FNBP1: variants seen among roughly 807,000 people sequenced by gnomAD.
The protein encoded by FNBP1 is formin binding protein 1, also known as formin-binding protein 1.
FNBP1 carries 26 observed loss-of-function variants against 90.6 expected under a neutral mutation model. The ratio of observed to expected loss-of-function variants is 0.29; its 90% confidence interval spans 0.21 to 0.40. The LOEUF (loss-of-function observed/expected upper bound fraction) is 0.40. FNBP1 is among the 10% of genes least tolerant of loss of function. The pLI, the probability that FNBP1 is intolerant of heterozygous loss-of-function variation, is 1.00. For synonymous variants in FNBP1, 260 were observed against 265.2 expected (o/e 0.98, Z 0.19); for missense variants, 635 against 768.0 (o/e 0.83, Z 2.05).
At chr9:130,046,625 C>T (rs1230209400), upstream of FNBP1, among the ~76,000 whole-genome samples, 1 of 148,544 alleles carries the variant, frequency 6.7e-6, no homozygotes, top group African/African-American at 2.5e-5. Context: ...AAAATTAGCC[C>T]AGTGTGGTCA....
intron 2 of FNBP1, 145 bp downstream of exon 2, chr9:129,994,698 A>G (rs1380662261): frequency 2.5e-6 from 1 of 405,858 alleles, no homozygotes; most frequent in African/African-American, 2.1e-5. Flanking sequence ...AATTTTCTGT[A>G]TGAAAAACAA....
intron 16 of FNBP1, 87 bp downstream of exon 16, chr9:129,895,751 G>A (rs1002558217): frequency 1.4e-6 from 2 of 1,439,098 alleles, no homozygotes; most frequent in Non-Finnish European, 9.1e-7. Context: ...TTGAGGAACT[G>A]CCTGTAACAG....
At chr9:129,998,600 C>T (rs560263583) in intron 1 of FNBP1, among the ~76,000 whole-genome samples, 1 of 152,110 alleles carries the variant, frequency 6.6e-6, no homozygotes, top group African/African-American at 2.4e-5. Flanking sequence ...TCATAGGTGC[C>T]ACCTTGAAAA....
In FNBP1 at chr9:129,900,745, T is replaced by TGTTC. The variant is rs1411446787; in HGVS notation, c.1429-202_1429-199dup. Among the ~76,000 whole-genome samples the TGTTC allele has an allele frequency of 2.0e-5, 3 of 152,268 alleles. No homozygotes were observed. The highest frequency in any genetic ancestry group is 4.4e-5 in the Non-Finnish European group (3 of 68,038). On this transcript the variant is annotated intron_variant, in intron 13 of 16. Transcript: ENST00000446176. The surrounding 1 kb of genome is among the most constrained non-coding windows in gnomAD (Gnocchi z 4.1). ...AATGGCCACGTTTTCTGCCTTCGACTGTTCAAATGTACTGAAGGACGGTTG... is the reference window on the plus strand; with the variant it reads ...AATGGCCACGTTTTCTGCCTTCGACTGTTCGTTCAAATGTACTGAAGGACGGTTG...
At chr9:129,895,613 A>G in intron 16 of FNBP1, 2 of 1,239,304 alleles carry the variant, frequency 1.6e-6, no homozygotes, top group Non-Finnish European at 2.0e-6. Context: ...AGCTTTCCAC[A>G]TAAAATTTCA....
chr9:129,890,422 A>G lies in FNBP1; in HGVS notation c.*117T>C. On this transcript the variant is annotated 3_prime_UTR_variant, in exon 17 of 17. Transcript: ENST00000446176. This position sits in a 1 kb window ranked among gnomAD's most constrained non-coding sequence, Gnocchi z 5.8. ...TGGAGAGAGAGAGAGACCGCCCCGC[A>G]GGGATGGGGCTGCGGAGGGGTGGGC... 1 of 822,084 alleles carries G rather than the reference A, an allele frequency of 1.2e-6. No individual in the cohort carries two copies. Among genetic ancestry groups the G allele is most frequent in the Non-Finnish European group, 2.0e-6 (1 of 491,542 alleles). 50.9% of individuals were successfully genotyped at this position (822,084 alleles called of 1,614,324 possible). A position where few individuals can be genotyped will look rare whatever the true frequency, so the allele number is the denominator to read the frequency against.
intron 1 of FNBP1, among the ~76,000 whole-genome samples, chr9:130,000,882 A>G (rs1178212385): frequency 6.6e-6 from 1 of 152,166 alleles, no homozygotes; most frequent in Non-Finnish European, 1.5e-5. Context: ...TCAACTTACA[A>G]CTCAGGATCA....
At chr9:130,045,111 C>T (rs988895024), upstream of FNBP1, 1 of 152,054 alleles carries the variant, frequency 6.6e-6, no homozygotes, top group Non-Finnish European at 1.5e-5. Context: ...CAGTTACAAC[C>T]CTCCCTTCCT....
intron 4 of FNBP1, 72 bp downstream of exon 4, chr9:129,978,393 T>G: frequency 1.6e-6 from 2 of 1,267,440 alleles, no homozygotes; most frequent in Non-Finnish European, 2.2e-6. Context: ...TTATTTAATT[T>G]TAATCTTCTA....
intron 6 of FNBP1, among the ~76,000 whole-genome samples, chr9:129,948,191 T>G (rs1564405109): frequency 6.6e-6 from 1 of 151,846 alleles, no homozygotes; most frequent in African/African-American, 2.4e-5. Context: ...GAGGATCACT[T>G]GAATCCACGA....
chr9:129,974,469 T>C (rs1271541674), intron 4 of FNBP1, among the ~76,000 whole-genome samples: 2 of 152,232 alleles, frequency 1.3e-5, no homozygotes, highest in Non-Finnish European at 2.9e-5. Flanking sequence ...AGGCCTCCAA[T>C]ATTATTGGAA....
At chr9:129,963,967 C>T (rs1476591831) in intron 4 of FNBP1, among the ~76,000 whole-genome samples, 3 of 152,018 alleles carry the variant, frequency 2.0e-5, no homozygotes, top group Non-Finnish European at 2.9e-5. Flanking sequence ...CCATAACATA[C>T]GAAAAACTAT....
chr9:129,935,201 G>A (rs117279818), intron 6 of FNBP1, among the ~76,000 whole-genome samples: 8,815 of 146,390 alleles, frequency 0.06, 382 homozygotes, highest in Middle Eastern at 0.15. Context: ...ATAGCTCACT[G>A]CAGCCTCAAA....
At chr9:129,911,782 A>C (rs139897876) in intron 11 of FNBP1, among the ~76,000 whole-genome samples, 19 of 152,174 alleles carry the variant, frequency 1.2e-4, no homozygotes, top group African/African-American at 4.6e-4. Context: ...GACACAAAAA[A>C]TTAGCCGAGT....
At chr9:130,025,915 C>T (rs779710086) in intron 1 of FNBP1, among the ~76,000 whole-genome samples, 1 of 152,014 alleles carries the variant, frequency 6.6e-6, no homozygotes, top group Non-Finnish European at 1.5e-5. Context: ...CAGAGACAGA[C>T]TCTATCTCAA....
chr9:129,961,110 C>T (rs2047743474), intron 4 of FNBP1, among the ~76,000 whole-genome samples: 1 of 151,940 alleles, frequency 6.6e-6, no homozygotes, highest in South Asian at 2.1e-4. Context: ...GTCAGGAGTT[C>T]TAGACCAGCC....
chr9:130,001,308 T>A (rs2054799494), intron 1 of FNBP1, among the ~76,000 whole-genome samples: 1 of 74,750 alleles, frequency 1.3e-5, no homozygotes, highest in Non-Finnish European at 2.6e-5. Flanking sequence ...CAAGACTCCA[T>A]CTCAAAAAAA....
intron 1 of FNBP1, among the ~76,000 whole-genome samples, chr9:130,012,069 A>T (rs938247303): frequency 1.3e-5 from 2 of 152,244 alleles, no homozygotes; most frequent in Admixed American, 1.3e-4. Context: ...AATACAAAGA[A>T]TTGAAAGGCC....
intron 2 of FNBP1, among the ~76,000 whole-genome samples, chr9:129,987,136 C>CCA (rs2052401026): frequency 2.0e-5 from 3 of 152,154 alleles, no homozygotes; most frequent in African/African-American, 7.2e-5. Context: ...GACGATGCAG[C>CCA]CACATGGAGA....
Sources: allele counts gnomAD v4.1 joint callset (sites outside exome capture counted in the v4.1 genomes callset), GRCh38; gene constraint gnomAD v4.1.1; non-coding constraint Gnocchi (gnomAD v3.1); transcripts MANE v1.5; gene names NCBI Gene and HGNC (gene_info 2026-07-23, HGNC 2026-07-21).